RIOK3: variants seen among roughly 807,000 people sequenced by gnomAD.
RIOK3 encodes RIO kinase 3, also known as serine/threonine-protein kinase RIO3.
A neutral mutation model predicts 63.5 loss-of-function variants in RIOK3; 40 were observed. The observed-to-expected ratio is 0.63, with a 90% confidence interval of 0.49 to 0.82. The LOEUF (loss-of-function observed/expected upper bound fraction) is 0.82. Among genes scored for constraint, RIOK3 ranks in the 40% least tolerant of loss-of-function variants. The pLI is 0.00. For missense variants in RIOK3, 557 were observed against 637.0 expected, an observed-to-expected ratio of 0.87 and a Z score of 1.35; for synonymous variants, 193 against 205.0, an observed-to-expected ratio of 0.94 and a Z score of 0.50.
chr18:23,456,912 A>G (rs1311510809), intron 1 of RIOK3, among the ~76,000 whole-genome samples: 1 of 152,194 alleles, frequency 6.6e-6, no homozygotes, highest in Admixed American at 6.5e-5. Flanking sequence ...TAGTAGAAAT[A>G]CTGAGAACAA....
At chr18:23,477,313 C>T (rs549235927) in intron 11 of RIOK3, 45 bp downstream of exon 11, 18 of 1,434,840 alleles carry the variant, frequency 1.3e-5, no homozygotes, top group African/African-American at 8.4e-5. Context: ...GATGTAACAG[C>T]TGCAGGTATT....
Position 23,455,377 on chromosome 18 carries a change from TC to T in RIOK3, c.63+1876del, listed in dbSNP as rs1470493171. On this transcript the variant is annotated intron_variant, in intron 1 of 12. Transcript: ENST00000339486. ...CGTGAGCCACCATGCCCAACGTCTT[TC>T]TTTTTTTTTTTTTCTTTTTCTTTTT... 6.6e-5 allele frequency among the ~76,000 whole-genome samples: 9 copies of T among 137,130 alleles called. No homozygotes were observed. In the Admixed American group the frequency reaches 7.7e-4, roughly 12 times the overall value. 90.0% of individuals were successfully genotyped at this position (137,130 alleles called of 152,430 possible).
chr18:23,453,713 A>G (rs763078851), intron 1 of RIOK3, among the ~76,000 whole-genome samples: 15 of 152,332 alleles, frequency 9.8e-5, no homozygotes, highest in East Asian at 1.9e-4. Flanking sequence ...CCCAAAGGCC[A>G]CCTTGAGTGG....
chr18:23,466,922 A>T (rs1162319772), intron 6 of RIOK3, among the ~76,000 whole-genome samples: 1 of 151,906 alleles, frequency 6.6e-6, no homozygotes. Flanking sequence ...GGATCACTTG[A>T]ACCCAGGAAT....
chr18:23,468,293 C>CTATTTTT (rs2057423950), intron 7 of RIOK3, among the ~76,000 whole-genome samples: 2 of 46,450 alleles, frequency 4.3e-5, no homozygotes, highest in African/African-American at 2.1e-4. Flanking sequence ...CAATATACTC[C>CTATTTTT]TTTTTTTTTT....
At chr18:23,474,829 A>T in intron 8 of RIOK3, 119 bp from the exon 9 acceptor site, 1 of 705,918 alleles carries the variant, frequency 1.4e-6, no homozygotes. Flanking sequence ...GTATTCCCAC[A>T]TCACCAGGGT....
chr18:23,467,687 A>C, intron 7 of RIOK3, 161 bp downstream of exon 7: 1 of 510,532 alleles, frequency 2.0e-6, no homozygotes. Flanking sequence ...TATAAAAAAC[A>C]CAGTCATCCT....
At chr18:23,456,018 G>A (rs543891628) in intron 1 of RIOK3, among the ~76,000 whole-genome samples, 7 of 152,180 alleles carry the variant, frequency 4.6e-5, no homozygotes, top group East Asian at 1.9e-4. Flanking sequence ...GGATGGTCTC[G>A]ATCTCTTGAC....
chr18:23,455,378 C>CTTTT (rs11305782), intron 1 of RIOK3, among the ~76,000 whole-genome samples: 1 of 138,822 alleles, frequency 7.2e-6, no homozygotes, highest in Non-Finnish European at 1.6e-5. Context: ...CAACGTCTTT[C>CTTTT]TTTTTTTTTT....
chr18:23,476,363 A>T (rs1247587305), intron 9 of RIOK3, among the ~76,000 whole-genome samples: 1 of 152,162 alleles, frequency 6.6e-6, no homozygotes, highest in Non-Finnish European at 1.5e-5. Flanking sequence ...CTCCACATGA[A>T]GCTGTCATGT....
chr18:23,477,368 T>G, intron 11 of RIOK3, 100 bp downstream of exon 11: 1 of 902,682 alleles, frequency 1.1e-6, no homozygotes, highest in Non-Finnish European at 1.9e-6. Context: ...TCTTAGAAAT[T>G]GAAGGAAGGG....
At chr18:23,455,095 G>A (rs963405403) in intron 1 of RIOK3, among the ~76,000 whole-genome samples, 1 of 149,352 alleles carries the variant, frequency 6.7e-6, no homozygotes, top group African/African-American at 2.5e-5. Context: ...TATTTGAGAC[G>A]GAGTCTCGCC....
At position 23,464,316 on chromosome 18, in the gene RIOK3, A is replaced by G. The variant is rs2145678533; in HGVS notation, c.433+3A>G. On this transcript the variant is annotated splice_donor_region_variant and intron_variant, in intron 4 of 12. Coordinates refer to ENST00000339486, the MANE Select transcript of RIOK3 (RefSeq NM_003831.5). ...TCGTGATGATCCCTACAGACCAGGTACCAAAGTTTTTACTTTCTGGGGGCA... is the reference window on the plus strand; with the variant it reads ...TCGTGATGATCCCTACAGACCAGGTGCCAAAGTTTTTACTTTCTGGGGGCA... 1 of 1,606,240 alleles carries G rather than the reference A, an allele frequency of 6.2e-7. No homozygotes were observed. Among genetic ancestry groups the G allele is most frequent in the East Asian group, 2.2e-5 (1 of 44,852 alleles).
At position 23,472,871 on chromosome 18, in the gene RIOK3, C is replaced by G. The variant is rs546248429; in HGVS notation, c.816-558C>G. ...TGCTTTTGTTCATGCTGTTCAAATC[C>G]TACCCATTGTCCTGTTTCTGTTTCA... On this transcript the variant is annotated intron_variant, in intron 7 of 12. Transcript: ENST00000339486. Among the ~76,000 whole-genome samples the G allele has an allele frequency of 9.2e-5, 14 of 152,294 alleles. No homozygotes were observed. In the East Asian group the frequency reaches 2.7e-3, roughly 29 times the overall value.
At chr18:23,458,163 C>T (rs1313958554) in intron 1 of RIOK3, among the ~76,000 whole-genome samples, 2 of 151,810 alleles carry the variant, frequency 1.3e-5, no homozygotes, top group African/African-American at 4.8e-5. Flanking sequence ...CCTCAGCCTC[C>T]CAAAGTGCTA....
rs2057339504 is a variant in RIOK3 at position 23,456,141 on chromosome 18, AGGC to A, written c.63+2640_63+2642del. On this transcript the variant is annotated intron_variant, in intron 1 of 12. Transcript: ENST00000339486. ...GAGATCGGATTTCACCATGTTGCCT[AGGC>A]TGGTCTTGAACTCCTGGGCTCAAGC... is the stretch of plus-strand genomic sequence containing the variant. Among the ~76,000 whole-genome samples the A allele has an allele frequency of 6.6e-5, 10 of 151,424 alleles. No individual in the cohort carries two copies. In the East Asian group the frequency reaches 7.8e-4, roughly 12 times the overall value.
At chr18:23,458,637 G>A (rs148412986) in intron 1 of RIOK3, among the ~76,000 whole-genome samples, 229 of 152,296 alleles carry the variant, frequency 1.5e-3, no homozygotes, top group Non-Finnish European at 2.4e-3. Context: ...TATGGAGGGC[G>A]TTTCCCCCAT....
chr18:23,466,091 C>T, intron 5 of RIOK3, 42 bp from the exon 6 acceptor site: 2 of 1,494,096 alleles, frequency 1.3e-6, no homozygotes, highest in Non-Finnish European at 9.0e-7. Flanking sequence ...TTTAACTGTC[C>T]CTATTTTAAA....
intron 6 of RIOK3, 81 bp downstream of exon 6, chr18:23,466,357 T>G: frequency 1.8e-6 from 2 of 1,129,006 alleles, no homozygotes; most frequent in Non-Finnish European, 2.4e-6. Flanking sequence ...AAAAAAAACT[T>G]CATGTTTGAT....
Sources: gnomAD v4.1 joint callset for allele counts (sites outside exome capture counted in the v4.1 genomes callset) on GRCh38, gnomAD v4.1.1 for gene constraint, MANE v1.5 for transcripts, NCBI Gene and HGNC (gene_info 2026-07-23, HGNC 2026-07-21) for gene names.